PDE8B: variants seen among roughly 807,000 people sequenced by gnomAD.
PDE8B encodes the protein phosphodiesterase 8B.
PDE8B carries 26 observed loss-of-function variants against 101.3 expected under a neutral mutation model. The observed-to-expected ratio is 0.26, with a 90% CI of 0.19 to 0.36. PDE8B has a LOEUF of 0.36. Among genes scored for constraint, PDE8B ranks in the 10% least tolerant of loss-of-function variants. The pLI, the probability that PDE8B is intolerant of heterozygous loss-of-function variation, is 1.00. For missense variants in PDE8B, 810 were observed against 1,163.1 expected (o/e 0.70, Z 4.42); for synonymous variants, 424 against 429.3 (o/e 0.99, Z 0.15).
chr5:77,182,678 T>G, the PDE8B span, among the ~76,000 whole-genome samples: 1 of 151,982 alleles, frequency 6.6e-6, no homozygotes, highest in South Asian at 2.1e-4. Context: ...AGTTTGGTAA[T>G]GAAATAGTTA....
chr5:77,398,029 C>T (rs374808713), intron 10 of PDE8B, among the ~76,000 whole-genome samples: 1 of 152,032 alleles, frequency 6.6e-6, no homozygotes, highest in African/African-American at 2.4e-5. Flanking sequence ...AAAAGAGATT[C>T]TTCCCTAAAA....
chr5:77,273,765 A>G (rs1251346080), intron 1 of PDE8B, among the ~76,000 whole-genome samples: 4 of 152,172 alleles, frequency 2.6e-5, no homozygotes, highest in East Asian at 3.8e-4. Context: ...TATTAACACA[A>G]TGGTGAAAAG....
intron 4 of PDE8B, among the ~76,000 whole-genome samples, chr5:77,329,471 A>AG (rs1776694542): frequency 6.6e-6 from 1 of 152,158 alleles, no homozygotes; most frequent in East Asian, 1.9e-4. Flanking sequence ...ATGAGAACAA[A>AG]GGGGCACTAA....
At chr5:77,165,248 A>T in the PDE8B span, 1 of 152,226 alleles carries the variant, frequency 6.6e-6, no homozygotes, top group Non-Finnish European at 1.5e-5. Flanking sequence ...TTAAGTATTG[A>T]TTACTCTTGT....
chr5:77,087,695 TG>T, the PDE8B span: 1 of 152,260 alleles, frequency 6.6e-6, no homozygotes, highest in Non-Finnish European at 1.5e-5. Flanking sequence ...CAGGGAGCTT[TG>T]GCAGTACTCC....
chr5:77,355,428 G>A (rs1037465012), intron 10 of PDE8B, among the ~76,000 whole-genome samples: 3 of 152,150 alleles, frequency 2.0e-5, no homozygotes, highest in African/African-American at 7.2e-5. Context: ...ATCTGTGCTG[G>A]GGAGGGCACC....
rs192350184 is a variant in PDE8B at position 77,262,987 on chromosome 5, T to C, written c.340-49007T>C. 6.1e-4 allele frequency among the ~76,000 whole-genome samples: 93 copies of C among 152,362 alleles called. 1 individual carries two copies. In the East Asian group the frequency reaches 0.017, roughly 28 times the overall value. On this transcript the variant is annotated intron_variant, in intron 1 of 21. Coordinates refer to ENST00000264917, the MANE Select transcript of PDE8B (RefSeq NM_003719.5). Reference sequence around the variant, plus strand: ...CTTTTTTCTGATGTAATAGTAATTTTTAAAATGCTTTCCTGGAAACTGATT... The same window carrying C: ...CTTTTTTCTGATGTAATAGTAATTTCTAAAATGCTTTCCTGGAAACTGATT...
chr5:77,406,837 C>G (rs1349798896), intron 12 of PDE8B, among the ~76,000 whole-genome samples: 1 of 152,210 alleles, frequency 6.6e-6, no homozygotes, highest in African/African-American at 2.4e-5. Context: ...TAGATTTGAA[C>G]TAGAACTTCC....
intron 17 of PDE8B, among the ~76,000 whole-genome samples, chr5:77,414,693 G>A (rs1463277567): frequency 6.6e-6 from 1 of 151,500 alleles, no homozygotes; most frequent in Non-Finnish European, 1.5e-5. Flanking sequence ...ACCTCCCAAA[G>A]TGCTGAGATT....
chr5:77,395,263 C>G (rs1177010845), intron 10 of PDE8B, among the ~76,000 whole-genome samples: 1 of 150,652 alleles, frequency 6.6e-6, no homozygotes. Context: ...ACTACAGGCA[C>G]CCGCCACCAC....
chr5:77,372,678 C>A (rs1046776570), intron 10 of PDE8B, among the ~76,000 whole-genome samples: 3 of 152,154 alleles, frequency 2.0e-5, no homozygotes, highest in Admixed American at 1.3e-4. Flanking sequence ...TTGTCCATTT[C>A]ATTTAGGCTA....
intron 1 of PDE8B, among the ~76,000 whole-genome samples, chr5:77,275,253 T>A (rs970225560): frequency 1.3e-5 from 2 of 152,092 alleles, no homozygotes; most frequent in African/African-American, 2.4e-5. Flanking sequence ...TGATCACTAC[T>A]CCTCCAGCCC....
rs1016776408 is a variant in PDE8B, at chr5:77,413,236, C to T, written c.1838C>T (p.Ala613Val). The change falls in exon 17 of 22, where the codon GCC becomes GTC. Residue 613 changes from alanine (A) to valine (V), a missense_variant. Ala to Val is a moderately conservative substitution (Grantham distance 64, BLOSUM62 0). Coordinates refer to ENST00000264917, the MANE Select transcript of PDE8B (RefSeq NM_003719.5). ...GAAGCCAACTACCACTCTTCCAATGCCTACCACAACTCCACCCATGCTGCC... is the reference window on the plus strand; with the variant it reads ...GAAGCCAACTACCACTCTTCCAATGTCTACCACAACTCCACCCATGCTGCC... ...VIEANYHSSN[A>V]YHNSTHAADV... The T allele has an allele frequency of 5.0e-6, 8 of 1,614,096 alleles. No homozygotes were observed. The highest frequency in any genetic ancestry group is 6.8e-6 in the Non-Finnish European group (8 of 1,179,992).
At chr5:77,353,828 A>G (rs944239738) in intron 10 of PDE8B, among the ~76,000 whole-genome samples, 1 of 152,228 alleles carries the variant, frequency 6.6e-6, no homozygotes, top group African/African-American at 2.4e-5. Flanking sequence ...TACATCATAC[A>G]GAAGAATACA....
chr5:77,200,151 G>A, the PDE8B span, among the ~76,000 whole-genome samples: 1 of 151,970 alleles, frequency 6.6e-6, no homozygotes, highest in Non-Finnish European at 1.5e-5. Context: ...ATCACTATGG[G>A]AAAACAGACA....
At chr5:77,221,635 A>C (rs991399888) in intron 1 of PDE8B, among the ~76,000 whole-genome samples, 14 of 152,202 alleles carry the variant, frequency 9.2e-5, no homozygotes, top group African/African-American at 3.4e-4. Flanking sequence ...TTTTGTCTTC[A>C]TGTATTCATT....
At chr5:77,105,344 G>A in the PDE8B span, 4 of 152,088 alleles carry the variant, frequency 2.6e-5, no homozygotes, top group African/African-American at 7.2e-5. Flanking sequence ...TTCACTTTCA[G>A]TACATTGCTT....
At chr5:77,124,224 T>A in the PDE8B span, among the ~76,000 whole-genome samples, 1 of 152,014 alleles carries the variant, frequency 6.6e-6, no homozygotes, top group South Asian at 2.1e-4. Flanking sequence ...AAGAGAAAAA[T>A]TGGTCACAAG....
At chr5:77,186,358 T>G in the PDE8B span, among the ~76,000 whole-genome samples, 5 of 152,318 alleles carry the variant, frequency 3.3e-5, no homozygotes, top group Middle Eastern at 6.8e-3. Context: ...AAAATTATTA[T>G]CCTTGTTACA....
Sources: gnomAD v4.1 joint callset for allele counts (sites outside exome capture counted in the v4.1 genomes callset) on GRCh38, gnomAD v4.1.1 for gene constraint, MANE v1.5 for transcripts, NCBI Gene and HGNC (gene_info 2026-07-23, HGNC 2026-07-21) for gene names.